The following ZFYVE28 variants were observed in gnomAD, a reference collection of about 807,000 sequenced individuals.
ZFYVE28 encodes the protein lateral signaling target protein 2 homolog.
In ZFYVE28, 40 loss-of-function variants were observed where a neutral mutation model predicts 82.1. That is an observed-to-expected ratio of 0.49 (90% CI 0.38 to 0.63). ZFYVE28 has a LOEUF of 0.63. Among genes scored for constraint, ZFYVE28 ranks in the 30% least tolerant of loss-of-function variants. The probability of loss-of-function intolerance (pLI) is 0.00; values close to 1 mark genes in which losing one functional copy is unlikely to be tolerated. For missense variants in ZFYVE28, 1,321 were observed against 1,242.1 expected (o/e 1.06, Z -0.96); for synonymous variants, 612 against 546.1 (o/e 1.12, Z -1.68).
intron 2 of ZFYVE28, among the ~76,000 whole-genome samples, chr4:2,344,521 G>A (rs143860292): frequency 5.9e-4 from 90 of 152,222 alleles, no homozygotes; most frequent in African/African-American, 1.7e-3. Flanking sequence ...ACTACATCAC[G>A]GAACAACCAA....
In ZFYVE28 at chr4:2,345,230, C is replaced by T. The variant is rs77939716; in HGVS notation, c.181-3615G>A. On this transcript the variant is annotated intron_variant, in intron 2 of 12. Coordinates refer to ENST00000290974, the MANE Select transcript of ZFYVE28 (RefSeq NM_020972.3). ...AAAGAAAAAAAAATTACCAAGCTTGCAAAGAATGAAGAAAATATGACCCAT... is the reference window on the plus strand; with the variant it reads ...AAAGAAAAAAAAATTACCAAGCTTGTAAAGAATGAAGAAAATATGACCCAT... Among the ~76,000 whole-genome samples, 958 of 151,816 alleles carry T rather than the reference C, an allele frequency of 6.3e-3. 8 individuals are homozygous for T. The highest frequency in any genetic ancestry group is 0.021 in the African/African-American group (878 of 41,370).
chr4:2,334,591 T>C (rs1435385660), intron 6 of ZFYVE28, among the ~76,000 whole-genome samples: 1 of 151,716 alleles, frequency 6.6e-6, no homozygotes, highest in African/African-American at 2.4e-5. Context: ...CTCTCCAGCC[T>C]GAGCCTGGAC....
chr4:2,316,761 C>T (rs975358424), intron 7 of ZFYVE28, among the ~76,000 whole-genome samples: 3 of 150,462 alleles, frequency 2.0e-5, no homozygotes, highest in African/African-American at 4.9e-5. Flanking sequence ...GGTGCAATCT[C>T]GGCTCACTGC....
At chr4:2,316,259 T>C (rs747982410) in intron 7 of ZFYVE28, 1 of 152,068 alleles carries the variant, frequency 6.6e-6, no homozygotes, top group Admixed American at 6.6e-5. Context: ...TGCACTGTAA[T>C]GGTGCAATCC....
intron 2 of ZFYVE28, among the ~76,000 whole-genome samples, chr4:2,346,523 C>T (rs899276219): frequency 3.3e-5 from 5 of 151,464 alleles, no homozygotes; most frequent in African/African-American, 9.7e-5. Flanking sequence ...AAAAATTGAC[C>T]GTTTAAATGA....
intron 1 of ZFYVE28, chr4:2,364,510 G>A: frequency 2.0e-6 from 2 of 985,470 alleles, no homozygotes; most frequent in Non-Finnish European, 2.4e-6. Context: ...TGCCTGTTTA[G>A]AGGAATCCTC....
At chr4:2,277,084 G>A (rs1021768832) in intron 8 of ZFYVE28, among the ~76,000 whole-genome samples, 3 of 152,232 alleles carry the variant, frequency 2.0e-5, no homozygotes, top group African/African-American at 7.2e-5. Flanking sequence ...CGTGGCGCCC[G>A]ACACAGAAGG....
In ZFYVE28 at chr4:2,409,656, G is replaced by A. The variant is rs1223980578; in HGVS notation, c.39+8629C>T. 6.6e-6 allele frequency among the ~76,000 whole-genome samples: 1 copy of A among 152,260 alleles called. No homozygotes were observed. The highest frequency in any genetic ancestry group is 2.4e-5 in the African/African-American group (1 of 41,472). On this transcript the variant is annotated intron_variant, in intron 1 of 12. Coordinates refer to ENST00000290974, the MANE Select transcript of ZFYVE28 (RefSeq NM_020972.3). This position sits in a 1 kb window ranked among gnomAD's most constrained non-coding sequence, Gnocchi z 4.4. ...GATTCCCACTGAGCAGCCCATGCCG[G>A]CGCTGTGAGAAGGCTGAGTCCAGTA...
intron 1 of ZFYVE28, among the ~76,000 whole-genome samples, chr4:2,401,714 C>T (rs875132): frequency 0.37 from 56,264 of 151,956 alleles, 10,520 homozygotes; most frequent in Middle Eastern, 0.45. Context: ...CGCCCCGCAC[C>T]GCAGTCCACC....
intron 5 of ZFYVE28, among the ~76,000 whole-genome samples, chr4:2,336,919 G>T: frequency 3.4e-5 from 2 of 59,684 alleles, no homozygotes; most frequent in Non-Finnish European, 6.6e-5. Flanking sequence ...GTGGGGAAGT[G>T]AGGAGGTGAG....
chr4:2,288,245 A>T (rs1379399719), intron 8 of ZFYVE28, among the ~76,000 whole-genome samples: 1 of 152,158 alleles, frequency 6.6e-6, no homozygotes, highest in East Asian at 1.9e-4. Flanking sequence ...AGCCATGATC[A>T]CTGGGTACAG....
At chr4:2,273,348 G>A in intron 9 of ZFYVE28, 59 bp from the exon 10 acceptor site, 2 of 1,498,496 alleles carry the variant, frequency 1.3e-6, no homozygotes, top group South Asian at 1.2e-5. Flanking sequence ...AACTGCGGAG[G>A]TCGGTGCTGC....
rs2108818537 is a variant in ZFYVE28 at position 2,300,573 on chromosome 4, C to G, written c.2051+3716G>C. Among the ~76,000 whole-genome samples the G allele has an allele frequency of 6.6e-6, 1 of 152,246 alleles. No homozygotes were observed. Among genetic ancestry groups the G allele is most frequent in the South Asian group, 2.1e-4 (1 of 4,810 alleles). On this transcript the variant is annotated intron_variant, in intron 8 of 12. Transcript: ENST00000290974. The surrounding 1 kb of genome is among the most constrained non-coding windows in gnomAD (Gnocchi z 4.6). ...TGGCTGGGACCCTCACGCCAGGACT[C>G]CAGTGGGCCATGTGCCAACCCACCT...
intron 7 of ZFYVE28, among the ~76,000 whole-genome samples, chr4:2,307,326 T>C (rs1229466845): frequency 6.6e-6 from 1 of 152,238 alleles, no homozygotes; most frequent in Non-Finnish European, 1.5e-5. Context: ...TCCAACTCTT[T>C]GGCTTGCCTT....
intron 12 of ZFYVE28, 193 bp downstream of exon 12, chr4:2,271,118 T>C: frequency 4.1e-6 from 3 of 735,880 alleles, no homozygotes; most frequent in East Asian, 5.4e-5. Context: ...GGACTGGACA[T>C]GGGCACCATC....
At chr4:2,326,239 G>C (rs962940066) in intron 6 of ZFYVE28, among the ~76,000 whole-genome samples, 1 of 152,130 alleles carries the variant, frequency 6.6e-6, no homozygotes. Flanking sequence ...TTTATATGGT[G>C]TGAGATAAGG....
At chr4:2,350,426 T>G (rs1238012008) in intron 2 of ZFYVE28, among the ~76,000 whole-genome samples, 1 of 151,232 alleles carries the variant, frequency 6.6e-6, no homozygotes, top group Non-Finnish European at 1.5e-5. Context: ...ATCGCGCCAC[T>G]GCACTCCAGC....
At chr4:2,379,202 C>A (rs544414716) in intron 1 of ZFYVE28, among the ~76,000 whole-genome samples, 1 of 152,134 alleles carries the variant, frequency 6.6e-6, no homozygotes, top group Non-Finnish European at 1.5e-5. Context: ...TTGGGGGGAC[C>A]GCTCCAGGGA....
intron 1 of ZFYVE28, among the ~76,000 whole-genome samples, chr4:2,389,050 G>A (rs1025476911): frequency 6.6e-6 from 1 of 152,224 alleles, no homozygotes. Flanking sequence ...AACCTGGGAG[G>A]CTGATGAGTC....
Sources: gnomAD v4.1 joint callset for allele counts (sites outside exome capture counted in the v4.1 genomes callset) on GRCh38, gnomAD v4.1.1 for gene constraint, Gnocchi (gnomAD v3.1) non-coding constraint, MANE v1.5 for transcripts, NCBI Gene and HGNC (gene_info 2026-07-23, HGNC 2026-07-21) for gene names.